Variants in TRIT1 observed in about 807,000 individuals in gnomAD.
TRIT1 encodes tRNA dimethylallyltransferase.
In TRIT1, 43 loss-of-function variants were observed where a neutral mutation model predicts 51.2. The observed-to-expected ratio is 0.84, with a 90% CI of 0.66 to 1.08. TRIT1 has a LOEUF of 1.08. Ranked by LOEUF, TRIT1 falls within the 50% of genes least tolerant of loss-of-function variation. The pLI, the probability that TRIT1 is intolerant of heterozygous loss-of-function variation, is 0.00. For synonymous variants in TRIT1, 184 were observed against 203.9 expected, an observed-to-expected ratio of 0.90 and a Z score of 0.83; for missense variants, 528 against 578.4, an observed-to-expected ratio of 0.91 and a Z score of 0.89.
chr1:39,859,853 T>C (rs1380916832), intron 1 of TRIT1, among the ~76,000 whole-genome samples: 8 of 152,302 alleles, frequency 5.3e-5, no homozygotes, highest in Non-Finnish European at 8.8e-5. Flanking sequence ...GTCAAATGCA[T>C]AGCTGCAAAT....
chr1:39,841,705 G>A lies in TRIT1; in HGVS notation c.*39C>T, dbSNP rs748236801. 78 of 1,574,864 alleles carry A rather than the reference G, an allele frequency of 5.0e-5. No individual in the cohort carries two copies. The Admixed American group carries it at 5.2e-4, about 11-fold the overall frequency. On this transcript the variant is annotated 3_prime_UTR_variant, in exon 11 of 11. Coordinates refer to ENST00000316891, the MANE Select transcript of TRIT1 (RefSeq NM_017646.6). The stretch of plus-strand genomic sequence containing the variant: ...AAACATACCCCTCCCTCCTGAACTG[G>A]ATCCCCACCACCTTTCCAAAGGCCA...
At chr1:39,856,903 G>T (rs1642935096) in intron 2 of TRIT1, among the ~76,000 whole-genome samples, 1 of 152,224 alleles carries the variant, frequency 6.6e-6, no homozygotes, top group South Asian at 2.1e-4. Context: ...TTCTAGGACT[G>T]TAACACAAAT....
At chr1:39,862,706 T>C (rs757891126) in intron 1 of TRIT1, 23 of 919,166 alleles carry the variant, frequency 2.5e-5, no homozygotes, top group Admixed American at 6.2e-5. Flanking sequence ...ATGCTCTAAA[T>C]GCCACAATCA....
chr1:39,860,475 G>T (rs1055962779), intron 1 of TRIT1, among the ~76,000 whole-genome samples: 4 of 152,170 alleles, frequency 2.6e-5, no homozygotes, highest in African/African-American at 9.7e-5. Context: ...TCAGATTTGG[G>T]ATGCTCAATT....
intron 1 of TRIT1, chr1:39,876,187 AT>A (rs1289905064): frequency 6.6e-6 from 1 of 152,170 alleles, no homozygotes; most frequent in Admixed American, 6.5e-5. Context: ...ACATATGTGA[AT>A]TCCTATATAC....
chr1:39,862,020 T>C (rs1042572614), intron 1 of TRIT1, among the ~76,000 whole-genome samples: 1 of 151,424 alleles, frequency 6.6e-6, no homozygotes, highest in Non-Finnish European at 1.5e-5. Context: ...CTAAGTTAAA[T>C]AAGCCAATCA....
intron 1 of TRIT1, among the ~76,000 whole-genome samples, chr1:39,862,312 T>C (rs952758758): frequency 8.5e-6 from 1 of 116,998 alleles, no homozygotes; most frequent in Non-Finnish European, 1.8e-5. Flanking sequence ...ATATCACAAT[T>C]TAAAAAAAAA....
chr1:39,862,832 C>T (rs543926497), intron 1 of TRIT1: 3 of 985,434 alleles, frequency 3.0e-6, no homozygotes, highest in Non-Finnish European at 3.6e-6. Context: ...ACTCTACCTA[C>T]AATCAGCCTG....
At chr1:39,846,608 C>G (rs902573380) in intron 8 of TRIT1, among the ~76,000 whole-genome samples, 1 of 152,142 alleles carries the variant, frequency 6.6e-6, no homozygotes, top group African/African-American at 2.4e-5. Context: ...CTTCACTAGG[C>G]CTTCATTTTC....
At position 39,838,655 on chromosome 1, in the gene TRIT1, T is replaced by C. The variant is rs59188948; in HGVS notation, c.*3089A>G. Among the ~76,000 whole-genome samples the C allele has an allele frequency of 3.0e-3, 450 of 152,192 alleles. 4 individuals carry two copies. The highest frequency in any genetic ancestry group is 0.011 in the African/African-American group (437 of 41,522). On this transcript the variant is annotated 3_prime_UTR_variant, in exon 11 of 11. Coordinates refer to ENST00000316891, the MANE Select transcript of TRIT1 (RefSeq NM_017646.6). ...CCCGGCATGCATACATATATATATA[T>C]GTAAGTATGTATGTATGTATATATT...
chr1:39,868,975 G>C lies in TRIT1; in HGVS notation c.175-11558C>G, dbSNP rs574997579. 3.9e-5 allele frequency among the ~76,000 whole-genome samples: 6 copies of C among 151,972 alleles called. No homozygotes were observed. The East Asian group carries it at 9.8e-4, about 25-fold the overall frequency. On this transcript the variant is annotated intron_variant, in intron 1 of 10. Coordinates refer to ENST00000316891, the MANE Select transcript of TRIT1 (RefSeq NM_017646.6). Reference sequence around the variant, plus strand: ...GTCGGGAGGCTGAGGCAGGAGAATCGCTTGAACCGATGAGGCAGAGGTTGC... The same window carrying C: ...GTCGGGAGGCTGAGGCAGGAGAATCCCTTGAACCGATGAGGCAGAGGTTGC...
chr1:39,847,824 C>T, intron 6 of TRIT1, 162 bp downstream of exon 6: 1 of 1,437,324 alleles, frequency 7.0e-7, no homozygotes, highest in Non-Finnish European at 9.3e-7. Context: ...CACCAGGTTA[C>T]TTTCTTGAAA....
chr1:39,851,618 C>T (rs1008482854), intron 4 of TRIT1, among the ~76,000 whole-genome samples: 6 of 152,094 alleles, frequency 3.9e-5, no homozygotes, highest in Non-Finnish European at 7.3e-5. Flanking sequence ...CCCCACCCCC[C>T]TGCCGTGCAA....
chr1:39,857,135 T>C (rs1642946707), intron 2 of TRIT1, 142 bp downstream of exon 2: 7 of 902,466 alleles, frequency 7.8e-6, no homozygotes, highest in Non-Finnish European at 1.1e-5. Flanking sequence ...TTTCAGTCCA[T>C]AGTCTGATGG....
intron 2 of TRIT1, among the ~76,000 whole-genome samples, chr1:39,855,574 T>C (rs1642844826): frequency 6.6e-6 from 1 of 152,208 alleles, no homozygotes; most frequent in South Asian, 2.1e-4. Context: ...AATGAGCATT[T>C]CCTTTGAGCA....
At chr1:39,867,948 CTT>C (rs35131569) in intron 1 of TRIT1, among the ~76,000 whole-genome samples, 1 of 145,064 alleles carries the variant, frequency 6.9e-6, no homozygotes. Flanking sequence ...CTTCAAGATT[CTT>C]TTTTTTTTTT....
chr1:39,871,115 C>A (rs1397240513), intron 1 of TRIT1, among the ~76,000 whole-genome samples: 1 of 152,132 alleles, frequency 6.6e-6, no homozygotes, highest in East Asian at 1.9e-4. Context: ...ATCATTTGAA[C>A]CCGGGAGGCG....
intron 1 of TRIT1, among the ~76,000 whole-genome samples, chr1:39,862,316 A>T (rs1385185998): frequency 2.0e-5 from 2 of 99,772 alleles, no homozygotes; most frequent in Non-Finnish European, 4.9e-5. Flanking sequence ...CACAATTTAA[A>T]AAAAAAAAAA....
chr1:39,841,894 G>C lies in TRIT1; in HGVS notation c.1254C>G (p.Ser418=). The stretch of plus-strand genomic sequence containing the variant: ...TTCTTTTCTTCAGTTGGTTCAAGTG[G>C]GATTTGGATTTTATGTGCGCTGATA... ...REWAAHIKSK[S]HLNQLKKRRR... Residue 418 remains serine (S), a synonymous_variant, in exon 11 of 11, where the codon TCC becomes TCG. Transcript: ENST00000316891. 1 of 1,611,596 alleles carries C rather than the reference G, an allele frequency of 6.2e-7. No individual in the cohort carries two copies. Among genetic ancestry groups the C allele is most frequent in the Middle Eastern group, 1.7e-4 (1 of 6,044 alleles).
Sources: allele counts gnomAD v4.1 joint callset (sites outside exome capture counted in the v4.1 genomes callset), GRCh38; gene constraint gnomAD v4.1.1; transcripts MANE v1.5; gene names NCBI Gene and HGNC (gene_info 2026-07-23, HGNC 2026-07-21).